The following STMP1 variants were observed in gnomAD, a reference collection of about 807,000 sequenced individuals.
STMP1 encodes short transmembrane mitochondrial protein 1.
Under a neutral mutation model 7.0 loss-of-function variants are expected in STMP1, and 7 were observed. The ratio of observed to expected loss-of-function variants is 1.01; its 90% CI spans 0.57 to 1.89. The LOEUF is 1.89. Ranked by LOEUF, STMP1 falls within the 40% of genes most tolerant of loss-of-function variation. The pLI is 0.00. For missense variants in STMP1, 45 were observed against 53.0 expected (o/e 0.85, Z 0.47); for synonymous variants, 19 against 18.4 (o/e 1.03, Z -0.08).
rs1262519603 is a variant in STMP1, at chr7:135,674,435, A to G, written c.*270A>G. On this transcript the variant is annotated 3_prime_UTR_variant, in exon 3 of 3. Transcript: ENST00000507606. ...GAATTATGGTGCTAGATTAGTAAAC[A>G]TGACTTTTAATGAGTAGTGTCTTCT... is the stretch of plus-strand genomic sequence containing the variant. The G allele has an allele frequency of 1.1e-5, 4 of 348,020 alleles. No individual in the cohort carries two copies. Among genetic ancestry groups the G allele is most frequent in the East Asian group, 4.6e-5 (1 of 21,894 alleles). The allele number at this position is 348,020 out of a possible 1,614,324, so 21.6% of individuals were successfully genotyped here.
rs1795414996 is a variant in STMP1, at chr7:135,676,328, G to C, written c.*2163G>C. On this transcript the variant is annotated 3_prime_UTR_variant, in exon 3 of 3. Coordinates refer to ENST00000507606, the MANE Select transcript of STMP1 (RefSeq NM_001130929.2). ...CGTGGACGTAAATATCCACCTCATA[G>C]GGTTTTCATAAAAAATAATTGAGAT... is the stretch of plus-strand genomic sequence containing the variant. The C allele has an allele frequency of 6.6e-6, 1 of 152,160 alleles. No homozygotes were observed. The highest frequency in any genetic ancestry group is 1.5e-5 in the Non-Finnish European group (1 of 68,028). The allele number at this position is 152,160 out of a possible 1,614,324, so 9.4% of individuals were successfully genotyped here.
At chr7:135,663,384 C>T (rs563423038) in intron 1 of STMP1, among the ~76,000 whole-genome samples, 2 of 152,110 alleles carry the variant, frequency 1.3e-5, no homozygotes, top group Admixed American at 6.5e-5. Context: ...CTCGCTGTGT[C>T]GTCAGGCTGG....
rs1285927922 is a variant in STMP1, at chr7:135,675,104, C to T, written c.*939C>T. The T allele has an allele frequency of 6.6e-6, 1 of 152,004 alleles. No homozygotes were observed. The highest frequency in any genetic ancestry group is 2.4e-5 in the African/African-American group (1 of 41,378). The allele number at this position is 152,004 out of a possible 1,614,324, so 9.4% of individuals were successfully genotyped here. On this transcript the variant is annotated 3_prime_UTR_variant, in exon 3 of 3. Transcript: ENST00000507606. ...TGTTTTTTCCTGCAGTCAGAAATTC[C>T]TTGTATTTGTCAAATGTATAATCAG... is the stretch of plus-strand genomic sequence containing the variant.
intron 1 of STMP1, among the ~76,000 whole-genome samples, chr7:135,671,515 C>G (rs1313136484): frequency 6.6e-6 from 1 of 152,094 alleles, no homozygotes; most frequent in Non-Finnish European, 1.5e-5. Flanking sequence ...CCAGATGGAG[C>G]CTCTTAGTTA....
intron 1 of STMP1, among the ~76,000 whole-genome samples, chr7:135,667,905 T>C (rs1795313558): frequency 6.6e-6 from 1 of 152,228 alleles, no homozygotes; most frequent in African/African-American, 2.4e-5. Flanking sequence ...TTGAAGAGTT[T>C]TATAGTTTTA....
In STMP1 at chr7:135,676,072, C is replaced by T. The variant is rs1377215704; in HGVS notation, c.*1907C>T. The T allele has an allele frequency of 6.6e-6, 1 of 152,068 alleles. No homozygotes were observed. The highest frequency in any genetic ancestry group is 1.9e-4 in the East Asian group (1 of 5,180). The allele number at this position is 152,068 out of a possible 1,614,324, so 9.4% of individuals were successfully genotyped here. ...TCAAGTAGCTGGCATCACCACCACA[C>T]CTGGCTAATTTTTGTATTTTTAGTA... On this transcript the variant is annotated 3_prime_UTR_variant, in exon 3 of 3. Transcript: ENST00000507606.
rs1290887301 is a variant in STMP1 at position 135,674,174 on chromosome 7, C to T, written c.*9C>T. On this transcript the variant is annotated 3_prime_UTR_variant, in exon 3 of 3. Transcript: ENST00000507606. The stretch of plus-strand genomic sequence containing the variant: ...AACCCCCTAGTGCATGAGACTGCCT[C>T]CAGCACTGCCTTCAGGATATACTGA... The T allele has an allele frequency of 2.6e-6, 4 of 1,539,744 alleles. No homozygotes were observed. In the African/African-American group the frequency reaches 5.5e-5, roughly 21 times the overall value.
intron 1 of STMP1, among the ~76,000 whole-genome samples, chr7:135,668,412 G>A (rs1286362021): frequency 6.6e-6 from 1 of 152,070 alleles, no homozygotes; most frequent in East Asian, 1.9e-4. Context: ...TACCATGATT[G>A]CATGTGAAGG....
chr7:135,666,035 C>T (rs1007890632), intron 1 of STMP1, among the ~76,000 whole-genome samples: 3 of 151,318 alleles, frequency 2.0e-5, no homozygotes, highest in Non-Finnish European at 4.4e-5. Context: ...CGGGTTCAAG[C>T]GATTCTCCTG....
rs1795399449 is a variant in STMP1 at position 135,675,265 on chromosome 7, G to C, written c.*1100G>C. 6.6e-6 allele frequency: 1 copy of C among 152,122 alleles called. No homozygotes were observed. Among genetic ancestry groups the C allele is most frequent in the Non-Finnish European group, 1.5e-5 (1 of 68,042 alleles). The allele number at this position is 152,122 out of a possible 1,614,324, so 9.4% of individuals were successfully genotyped here. ...CCTGGCTCCTGTTTGACAAGTTACT[G>C]TTACCACTTCGCCTTATACTTTTGA... On this transcript the variant is annotated 3_prime_UTR_variant, in exon 3 of 3. Coordinates refer to ENST00000507606, the MANE Select transcript of STMP1 (RefSeq NM_001130929.2).
intron 1 of STMP1, among the ~76,000 whole-genome samples, chr7:135,671,428 A>C (rs894239689): frequency 3.9e-5 from 6 of 152,198 alleles, no homozygotes; most frequent in African/African-American, 1.4e-4. Flanking sequence ...TATTGATTGA[A>C]TAAAAGCAAC....
intron 1 of STMP1, among the ~76,000 whole-genome samples, chr7:135,666,229 G>A (rs956885323): frequency 6.6e-6 from 1 of 151,978 alleles, no homozygotes; most frequent in South Asian, 2.1e-4. Flanking sequence ...TCCTGCACCC[G>A]GCCGGTTTTC....
chr7:135,668,473 G>C (rs942239585), intron 1 of STMP1, among the ~76,000 whole-genome samples: 2 of 152,164 alleles, frequency 1.3e-5, no homozygotes, highest in South Asian at 4.1e-4. Flanking sequence ...CATGATCTCA[G>C]CTCACTGTAA....
chr7:135,666,969 G>A (rs372183619), intron 1 of STMP1, among the ~76,000 whole-genome samples: 3 of 152,152 alleles, frequency 2.0e-5, no homozygotes, highest in Admixed American at 6.6e-5. Flanking sequence ...TAGCTGCACC[G>A]TTTTACATTC....
chr7:135,669,909 G>A (rs755813682), intron 1 of STMP1, among the ~76,000 whole-genome samples: 1 of 152,212 alleles, frequency 6.6e-6, no homozygotes, highest in Non-Finnish European at 1.5e-5. Flanking sequence ...TTGGGTTTCA[G>A]AATTGTGGAT....
Position 135,676,296 on chromosome 7 carries a change from C to T in STMP1, c.*2131C>T, listed in dbSNP as rs1037907214. On this transcript the variant is annotated 3_prime_UTR_variant, in exon 3 of 3. Transcript: ENST00000507606. ...ATTCTTTCAGAAACTCTTGCATTAT[C>T]TGTAGACGTGGACGTAAATATCCAC... 1 of 152,190 alleles carries T rather than the reference C, an allele frequency of 6.6e-6. No homozygotes were observed. Among genetic ancestry groups the T allele is most frequent in the Admixed American group, 6.5e-5 (1 of 15,288 alleles). The allele number at this position is 152,190 out of a possible 1,614,324, so 9.4% of individuals were successfully genotyped here.
At position 135,665,631 on chromosome 7, in the gene STMP1, C is replaced by T. The variant is rs1795283915; in HGVS notation, c.15+3037C>T. The T allele has an allele frequency of 2.0e-5, 3 of 148,076 alleles. No individual in the cohort carries two copies. The Admixed American group carries it at 2.0e-4, about 10-fold the overall frequency. The allele number at this position is 148,076 out of a possible 1,614,324, so 9.2% of individuals were successfully genotyped here. A position where few individuals can be genotyped will look rare whatever the true frequency, so the allele number is the denominator to read the frequency against. ...TGCAGTGCTTCAGAAATTTGTGTGTCGTCTTTGCGCAGGGGCCATTCTGAT... is the reference window on the plus strand; with the variant it reads ...TGCAGTGCTTCAGAAATTTGTGTGTTGTCTTTGCGCAGGGGCCATTCTGAT... On this transcript the variant is annotated intron_variant, in intron 1 of 2. Coordinates refer to ENST00000507606, the MANE Select transcript of STMP1 (RefSeq NM_001130929.2).
Position 135,674,165 on chromosome 7 carries a change from A to C in STMP1, c.144A>C (p.Ter48CysextTer23). The C allele has an allele frequency of 6.5e-7, 1 of 1,547,348 alleles. No individual in the cohort carries two copies. The highest frequency in any genetic ancestry group is 8.7e-7 in the Non-Finnish European group (1 of 1,145,504). Residue 48 changes from the stop codon to cysteine, a stop_lost, in exon 3 of 3, where the codon TGA becomes TGC. Coordinates refer to ENST00000507606, the MANE Select transcript of STMP1 (RefSeq NM_001130929.2). ...CCAAGAAGAAACCCCCTAGTGCATG[A>C]GACTGCCTCCAGCACTGCCTTCAGG... is the stretch of plus-strand genomic sequence containing the variant. ...LDAKKKPPSA[*>C]
chr7:135,676,314 A>T lies in STMP1; in HGVS notation c.*2149A>T, dbSNP rs563372253. 9.2e-5 allele frequency: 14 copies of T among 152,220 alleles called. No homozygotes were observed. Among genetic ancestry groups the T allele is most frequent in the African/African-American group, 3.4e-4 (14 of 41,466 alleles). 9.4% of individuals were successfully genotyped at this position (152,220 alleles called of 1,614,324 possible). A position where few individuals can be genotyped will look rare whatever the true frequency, so the allele number is the denominator to read the frequency against. ...GCATTATCTGTAGACGTGGACGTAA[A>T]TATCCACCTCATAGGGTTTTCATAA... is the stretch of plus-strand genomic sequence containing the variant. On this transcript the variant is annotated 3_prime_UTR_variant, in exon 3 of 3. Transcript: ENST00000507606.
Sources: allele counts gnomAD v4.1 joint callset (sites outside exome capture counted in the v4.1 genomes callset), GRCh38; gene constraint gnomAD v4.1.1; transcripts MANE v1.5; gene names NCBI Gene and HGNC (gene_info 2026-07-23, HGNC 2026-07-21).